PTPRT: variants seen among roughly 807,000 people sequenced by gnomAD.
PTPRT encodes the protein protein tyrosine phosphatase receptor type T, also known as receptor-type tyrosine-protein phosphatase T.
A neutral mutation model predicts 176.8 loss-of-function variants in PTPRT; 56 were observed. The observed-to-expected ratio is 0.32, with a 90% CI of 0.26 to 0.40. PTPRT has a LOEUF of 0.40. Among genes scored for constraint, PTPRT ranks in the 10% least tolerant of loss-of-function variants. The probability of loss-of-function intolerance (pLI) is 1.00; values close to 1 mark genes in which losing one functional copy is unlikely to be tolerated. For synonymous variants in PTPRT, 783 were observed against 739.0 expected (o/e 1.06, Z -0.96); for missense variants, 1,540 against 1,908.2 (o/e 0.81, Z 3.60).
chr20:42,073,068 C>A lies in PTPRT; in HGVS notation c.*7811G>T. ...ATACGTGCTTTATCTATCAAACACC[C>A]AAACTGTACAAGTGCAGGCCATTGG... On this transcript the variant is annotated 3_prime_UTR_variant, in exon 31 of 31. Transcript: ENST00000373187. 4.6e-6 allele frequency: 1 copy of A among 216,182 alleles called. No homozygotes were observed. The highest frequency in any genetic ancestry group is 6.8e-5 in the East Asian group (1 of 14,656). 13.4% of individuals were successfully genotyped at this position (216,182 alleles called of 1,614,324 possible).
intron 1 of PTPRT, among the ~76,000 whole-genome samples, chr20:43,146,771 G>A (rs1184227247): frequency 1.3e-5 from 2 of 152,110 alleles, no homozygotes; most frequent in Admixed American, 1.3e-4. Flanking sequence ...CTTAAAGTGG[G>A]CCCCTGAATT....
chr20:42,250,381 T>G (rs1053773781), intron 13 of PTPRT, among the ~76,000 whole-genome samples: 1 of 152,196 alleles, frequency 6.6e-6, no homozygotes, highest in Non-Finnish European at 1.5e-5. Flanking sequence ...TTAAAGTCAT[T>G]TATTCATAGA....
intron 6 of PTPRT, among the ~76,000 whole-genome samples, chr20:42,728,039 T>G (rs2076405918): frequency 6.6e-6 from 1 of 152,208 alleles, no homozygotes; most frequent in South Asian, 2.1e-4. Context: ...TCTCTAGAGC[T>G]GGCTCCAGAC....
intron 13 of PTPRT, among the ~76,000 whole-genome samples, chr20:42,260,020 C>T (rs1031876310): frequency 1.3e-5 from 2 of 152,132 alleles, no homozygotes; most frequent in African/African-American, 4.8e-5. Flanking sequence ...AGGTGCTGAG[C>T]ATGGAAGGTA....
chr20:42,846,032 C>T (rs1016774426), intron 2 of PTPRT, among the ~76,000 whole-genome samples: 1 of 152,144 alleles, frequency 6.6e-6, no homozygotes. Context: ...AGGGACGCTA[C>T]AAGGCAGCTG....
At chr20:42,244,991 G>A (rs899783606) in intron 14 of PTPRT, among the ~76,000 whole-genome samples, 11 of 152,154 alleles carry the variant, frequency 7.2e-5, no homozygotes, top group African/African-American at 1.9e-4. Context: ...GGCAAGGGAC[G>A]AAGATGATCA....
At chr20:43,171,232 T>C (rs1600769212) in intron 1 of PTPRT, among the ~76,000 whole-genome samples, 1 of 152,212 alleles carries the variant, frequency 6.6e-6, no homozygotes, top group Admixed American at 6.5e-5. Flanking sequence ...ACAGCTACTA[T>C]TATACAAGAC....
chr20:42,999,632 TGTG>T (rs140090174), intron 1 of PTPRT, among the ~76,000 whole-genome samples: 11 of 151,156 alleles, frequency 7.3e-5, no homozygotes, highest in Non-Finnish European at 1.6e-4. Flanking sequence ...TTGTTGTTGT[TGTG>T]GTGGTTGTTG....
At chr20:42,396,501 C>T (rs2058850870) in intron 9 of PTPRT, among the ~76,000 whole-genome samples, 1 of 152,158 alleles carries the variant, frequency 6.6e-6, no homozygotes, top group South Asian at 2.1e-4. Context: ...TTCCCTTACT[C>T]ACTCTATTCC....
At chr20:42,922,031 G>A (rs1014631981) in intron 1 of PTPRT, among the ~76,000 whole-genome samples, 1 of 152,174 alleles carries the variant, frequency 6.6e-6, no homozygotes, top group Non-Finnish European at 1.5e-5. Flanking sequence ...TGCCTCCCGG[G>A]TTCAAGCAAT....
chr20:42,318,301 C>G (rs189148244), intron 11 of PTPRT, among the ~76,000 whole-genome samples: 39 of 152,250 alleles, frequency 2.6e-4, no homozygotes, highest in Admixed American at 4.6e-4. Context: ...AAAAATAGCA[C>G]AAGGACCTAA....
intron 11 of PTPRT, among the ~76,000 whole-genome samples, chr20:42,337,609 A>C (rs1424364964): frequency 2.0e-5 from 3 of 152,166 alleles, no homozygotes; most frequent in Non-Finnish European, 2.9e-5. Flanking sequence ...CAGACTGTAC[A>C]CACATGAGCA....
chr20:42,959,833 G>C (rs953175978), intron 1 of PTPRT, among the ~76,000 whole-genome samples: 1 of 152,102 alleles, frequency 6.6e-6, no homozygotes, highest in African/African-American at 2.4e-5. Context: ...AGTCCTTAGG[G>C]GGGAGTCCAA....
rs182839541 is a variant in PTPRT, at chr20:42,315,938, T to A, written c.1924A>T (p.Ile642Phe). The A allele has an allele frequency of 1.7e-5, 28 of 1,614,148 alleles. No individual in the cohort carries two copies. In the Admixed American group the frequency reaches 3.7e-4, roughly 21 times the overall value. ...ACGGGCACCGAAAAGCACTCAATAA[T>A]GTCAGCTGCCCTCCGTGACTTCTGA... ...RLQKSRRAAD[I>F]IECFSVPVSY... The change falls in exon 12 of 31, where the codon ATT (isoleucine) becomes TTT (phenylalanine). Residue 642 changes from isoleucine (I) to phenylalanine (F), a missense_variant. Coordinates refer to ENST00000373187, the MANE Select transcript of PTPRT (RefSeq NM_007050.6).
At chr20:42,118,778 C>G (rs1987426072) in intron 20 of PTPRT, among the ~76,000 whole-genome samples, 1 of 152,024 alleles carries the variant, frequency 6.6e-6, no homozygotes, top group African/African-American at 2.4e-5. Flanking sequence ...CTGTCCTCCT[C>G]CTGCTCAGAC....
chr20:43,159,785 G>A (rs928577481), intron 1 of PTPRT, among the ~76,000 whole-genome samples: 2 of 152,084 alleles, frequency 1.3e-5, no homozygotes, highest in Non-Finnish European at 2.9e-5. Flanking sequence ...TAGTGAGGAC[G>A]GAGGTTTGTG....
chr20:42,420,492 G>A (rs1377194769), intron 9 of PTPRT, among the ~76,000 whole-genome samples: 6 of 152,104 alleles, frequency 3.9e-5, no homozygotes, highest in Non-Finnish European at 7.4e-5. Context: ...ATCATAAAGG[G>A]AAAATAATTT....
chr20:43,116,380 G>A (rs2013060009), intron 1 of PTPRT, among the ~76,000 whole-genome samples: 1 of 152,112 alleles, frequency 6.6e-6, no homozygotes, highest in African/African-American at 2.4e-5. Flanking sequence ...AAACACCCAA[G>A]GGCTTTGCCT....
At chr20:43,085,964 C>G (rs917871840) in intron 1 of PTPRT, among the ~76,000 whole-genome samples, 7 of 152,050 alleles carry the variant, frequency 4.6e-5, no homozygotes, top group African/African-American at 1.4e-4. Flanking sequence ...CCCACCCCCC[C>G]ACAACTGAAA....
Sources: allele counts gnomAD v4.1 joint callset (sites outside exome capture counted in the v4.1 genomes callset), GRCh38; gene constraint gnomAD v4.1.1; transcripts MANE v1.5; gene names NCBI Gene and HGNC (gene_info 2026-07-23, HGNC 2026-07-21).